Variants in CALY observed in about 807,000 individuals in gnomAD.
CALY encodes the protein neuron-specific vesicular protein calcyon.
In CALY, 15 loss-of-function variants were observed where a neutral mutation model predicts 20.2. That is an observed-to-expected ratio of 0.74 (90% confidence interval 0.50 to 1.14). The LOEUF is 1.14. CALY is among the 50% of genes most tolerant of loss of function. The probability of loss-of-function intolerance (pLI) is 0.00; values close to 1 mark genes in which losing one functional copy is unlikely to be tolerated. For missense variants in CALY, 270 were observed against 304.4 expected, an observed-to-expected ratio of 0.89 and a Z score of 0.84; for synonymous variants, 129 against 131.8, an observed-to-expected ratio of 0.98 and a Z score of 0.15.
intron 1 of CALY, among the ~76,000 whole-genome samples, chr10:133,335,494 G>A (rs1200717099): frequency 1.3e-5 from 2 of 152,218 alleles, no homozygotes; most frequent in Non-Finnish European, 2.9e-5. Context: ...AACGCAGACA[G>A]GCCCGAGACG....
At chr10:133,329,511 C>G (rs1309906836) in intron 1 of CALY, among the ~76,000 whole-genome samples, 1 of 151,818 alleles carries the variant, frequency 6.6e-6, no homozygotes, top group Admixed American at 6.6e-5. Context: ...CTCAGCCTCC[C>G]GAGTACCTGG....
chr10:133,325,677 G>A (rs147254716), intron 5 of CALY, 111 bp from the exon 6 acceptor site: 13,641 of 448,304 alleles, frequency 0.03, 266 homozygotes, highest in Non-Finnish European at 0.038. Context: ...CGAGGTTCTG[G>A]CGGGCCGGGT....
At chr10:133,335,057 C>T (rs1848413137) in intron 1 of CALY, among the ~76,000 whole-genome samples, 1 of 152,138 alleles carries the variant, frequency 6.6e-6, no homozygotes, top group African/African-American at 2.4e-5. Context: ...CCACGGGGCT[C>T]AGATACAGGA....
At chr10:133,327,017 A>C in intron 3 of CALY, 26 bp from the exon 4 acceptor site, 4 of 1,515,306 alleles carry the variant, frequency 2.6e-6, no homozygotes, top group Non-Finnish European at 3.6e-6. Context: ...AGAGGGGCTC[A>C]GCCACGCCAG....
At position 133,335,488 on chromosome 10, in the gene CALY, C is replaced by T. The variant is rs1848423543; in HGVS notation, c.-21+1346G>A. On this transcript the variant is annotated intron_variant, in intron 1 of 5. Transcript: ENST00000252939. ...GTCATCGCGGGTTTCCATGGCAACG[C>T]AGACAGGCCCGAGACGCGTCTTCAG... 1.3e-5 allele frequency among the ~76,000 whole-genome samples: 2 copies of T among 152,218 alleles called. 1 individual carries two copies. Among genetic ancestry groups the T allele is most frequent in the African/African-American group, 4.8e-5 (2 of 41,446 alleles).
intron 1 of CALY, among the ~76,000 whole-genome samples, chr10:133,334,026 G>GGAAGATC: frequency 2.6e-5 from 1 of 38,610 alleles, no homozygotes; most frequent in Non-Finnish European, 4.8e-5. Flanking sequence ...GATCTGAGGG[G>GGAAGATC]GGAAGGATCT....
chr10:133,328,446 G>A (rs1464262887), intron 2 of CALY, among the ~76,000 whole-genome samples: 1 of 152,200 alleles, frequency 6.6e-6, no homozygotes, highest in African/African-American at 2.4e-5. Flanking sequence ...CTCAAGCTGA[G>A]CTCTTTGCTT....
At position 133,331,141 on chromosome 10, in the gene CALY, T is replaced by A. The variant is rs543067151; in HGVS notation, c.-20-2132A>T. On this transcript the variant is annotated intron_variant, in intron 1 of 5. Coordinates refer to ENST00000252939, the MANE Select transcript of CALY (RefSeq NM_015722.4). ...ACTATTCCTCGGACCCATTAGTGCATTAAGGCAGGAGGCGAGTGCTGTAAC... is the reference window on the plus strand; with the variant it reads ...ACTATTCCTCGGACCCATTAGTGCAATAAGGCAGGAGGCGAGTGCTGTAAC... Among the ~76,000 whole-genome samples, 3 of 152,308 alleles carry A rather than the reference T, an allele frequency of 2.0e-5. No homozygotes were observed. The South Asian group carries it at 6.2e-4, about 32-fold the overall frequency.
rs938375433 is a variant in CALY at position 133,325,157 on chromosome 10, C to T, written c.*438G>A. ...GGGCTGGGCAGCGGATAGGGATGGA[C>T]CCGAGGCTCCCCTGGGTGGGCCGGA... On this transcript the variant is annotated 3_prime_UTR_variant, in exon 6 of 6. Transcript: ENST00000252939. 6.5e-6 allele frequency: 1 copy of T among 153,512 alleles called. No homozygotes were observed. Among genetic ancestry groups the T allele is most frequent in the Non-Finnish European group, 1.4e-5 (1 of 68,978 alleles). The allele number at this position is 153,512 out of a possible 1,614,324, so 9.5% of individuals were successfully genotyped here.
Position 133,325,809 on chromosome 10 carries a change from G to C in CALY, c.*18C>G. The C allele has an allele frequency of 8.4e-7, 1 of 1,193,560 alleles. No homozygotes were observed. Among genetic ancestry groups the C allele is most frequent in the Non-Finnish European group, 1.0e-6 (1 of 960,650 alleles). 73.9% of individuals were successfully genotyped at this position (1,193,560 alleles called of 1,614,324 possible). On this transcript the variant is annotated 3_prime_UTR_variant, in exon 5 of 6. Coordinates refer to ENST00000252939, the MANE Select transcript of CALY (RefSeq NM_015722.4). ...GCGGCGCGCACCTACCCCGGGCCGG[G>C]CTGCGGGGCTGGAGACGTCACTGCG...
intron 5 of CALY, 31 bp from the exon 6 acceptor site, chr10:133,325,597 G>A (rs947023295): frequency 1.0e-5 from 3 of 295,142 alleles, no homozygotes; most frequent in East Asian, 1.1e-4. Flanking sequence ...GGTTGAGAGC[G>A]GCGACGCGGC....
At position 133,326,464 on chromosome 10, in the gene CALY, A is replaced by G. The variant is rs540100048; in HGVS notation, c.361-344T>C. On this transcript the variant is annotated intron_variant, in intron 4 of 5. Transcript: ENST00000252939. ...ACTTCTGATAAATAAAAGGCTTTCT[A>G]AAAACACACTAAAAGCTATAACCAT... is the stretch of plus-strand genomic sequence containing the variant. 1.0e-4 allele frequency: 58 copies of G among 569,458 alleles called. 1 individual carries two copies. The South Asian group carries it at 1.4e-3, about 14-fold the overall frequency. The allele number at this position is 569,458 out of a possible 1,614,324, so 35.3% of individuals were successfully genotyped here.
intron 3 of CALY, 114 bp from the exon 4 acceptor site, chr10:133,327,105 C>A: frequency 1.4e-6 from 1 of 718,958 alleles, no homozygotes; most frequent in South Asian, 1.6e-5. Flanking sequence ...TCTTGATGCC[C>A]CACCCCCGCC....
intron 3 of CALY, chr10:133,327,590 C>T (rs1236082680): frequency 1.0e-5 from 6 of 591,250 alleles, no homozygotes; most frequent in African/African-American, 1.9e-5. Context: ...ATAGAAAGCC[C>T]GTAAGTCACT....
Position 133,324,374 on chromosome 10 carries a change from C to A in CALY, c.*1221G>T, listed in dbSNP as rs1478064273. 2.2e-6 allele frequency: 1 copy of A among 455,928 alleles called. No individual in the cohort carries two copies. Among genetic ancestry groups the A allele is most frequent in the Admixed American group, 2.3e-5 (1 of 42,566 alleles). 28.2% of individuals were successfully genotyped at this position (455,928 alleles called of 1,614,324 possible). A position where few individuals can be genotyped will look rare whatever the true frequency, so the allele number is the denominator to read the frequency against. On this transcript the variant is annotated 3_prime_UTR_variant, in exon 6 of 6. Coordinates refer to ENST00000252939, the MANE Select transcript of CALY (RefSeq NM_015722.4). ...TGCCGCTGTTCCAAAGCAGGCCAGT[C>A]CCACTGAGCTGGGAAGCTGCCTAGA...
rs1199288328 is a variant in CALY at position 133,324,288 on chromosome 10, G to T, written c.*1307C>A. On this transcript the variant is annotated 3_prime_UTR_variant, in exon 6 of 6. Transcript: ENST00000252939. Reference sequence around the variant, plus strand: ...GGCCCTGCCTTCCCTGACCCCACCTGGCTGGCTTCCAGCTCACCATGGCTT... The same window carrying T: ...GGCCCTGCCTTCCCTGACCCCACCTTGCTGGCTTCCAGCTCACCATGGCTT... 1.8e-5 allele frequency: 8 copies of T among 453,698 alleles called. No homozygotes were observed. The Admixed American group carries it at 1.9e-4, about 11-fold the overall frequency. 28.1% of individuals were successfully genotyped at this position (453,698 alleles called of 1,614,324 possible). A position where few individuals can be genotyped will look rare whatever the true frequency, so the allele number is the denominator to read the frequency against.
intron 4 of CALY, chr10:133,326,369 G>A (rs1848210664): frequency 2.7e-6 from 3 of 1,120,670 alleles, no homozygotes; most frequent in Non-Finnish European, 4.0e-6. Context: ...CCTGCCCAGC[G>A]CAGCAAGGAC....
chr10:133,326,384 C>A, intron 4 of CALY: 1 of 916,156 alleles, frequency 1.1e-6, no homozygotes, highest in Non-Finnish European at 1.7e-6. Context: ...AAGGACTCTG[C>A]GGAGCGCGCT....
intron 1 of CALY, among the ~76,000 whole-genome samples, chr10:133,330,240 C>T (rs933661976): frequency 6.6e-6 from 1 of 151,862 alleles, no homozygotes; most frequent in Non-Finnish European, 1.5e-5. Flanking sequence ...GTGGTCCCAG[C>T]CACTCGGGAG....
Sources: gnomAD v4.1 joint callset for allele counts (sites outside exome capture counted in the v4.1 genomes callset) on GRCh38, gnomAD v4.1.1 for gene constraint, MANE v1.5 for transcripts, NCBI Gene and HGNC (gene_info 2026-07-23, HGNC 2026-07-21) for gene names.